RIF1: variants seen among roughly 807,000 people sequenced by gnomAD.
RIF1 encodes the protein replication timing regulatory factor 1, also known as telomere-associated protein RIF1.
A neutral mutation model predicts 247.1 loss-of-function variants in RIF1; 45 were observed. The ratio of observed to expected loss-of-function variants is 0.18; its 90% confidence interval spans 0.14 to 0.23. The LOEUF (loss-of-function observed/expected upper bound fraction) is 0.23, where lower values mean the gene tolerates loss of function less well. RIF1 is among the 10% of genes least tolerant of loss of function. The pLI, the probability that RIF1 is intolerant of heterozygous loss-of-function variation, is 1.00. For missense variants in RIF1, 2,967 were observed against 2,862.5 expected, an observed-to-expected ratio of 1.04 and a Z score of -0.83; for synonymous variants, 1,087 against 978.8, an observed-to-expected ratio of 1.11 and a Z score of -2.06.
the RIF1 span, chr2:151,525,162 C>G: frequency 6.2e-7 from 1 of 1,609,996 alleles, no homozygotes; most frequent in Non-Finnish European, 8.5e-7. Flanking sequence ...GGAAAACTTA[C>G]ATCACTTTGC....
chr2:151,496,507 C>T (rs1235374872), intron 10 of RIF1: 2 of 1,444,176 alleles, frequency 1.4e-6, no homozygotes, highest in Non-Finnish European at 1.9e-6. Context: ...GACAAAATGC[C>T]ACCAGCTACT....
chr2:151,435,426 T>G, intron 10 of RIF1, 37 bp from the exon 11 acceptor site: 1 of 1,145,902 alleles, frequency 8.7e-7, no homozygotes, highest in Non-Finnish European at 1.3e-6. Context: ...GTGACAGTTG[T>G]ATAGTTTATA....
Position 151,443,480 on chromosome 2 carries a change from A to G in RIF1, c.1806-49A>G, listed in dbSNP as rs757405544. On this transcript the variant is annotated intron_variant, in intron 17 of 35. Transcript: ENST00000444746. ...TTAGAATTTTGTTAACATTAAATTAATATATTCCTGCCAAAAAGTTGATGC... is the reference window on the plus strand; with the variant it reads ...TTAGAATTTTGTTAACATTAAATTAGTATATTCCTGCCAAAAAGTTGATGC... 1.5e-5 allele frequency: 22 copies of G among 1,472,726 alleles called. 2 individuals are homozygous for G. The Admixed American group carries it at 4.9e-4, about 33-fold the overall frequency. 91.2% of individuals were successfully genotyped at this position (1,472,726 alleles called of 1,614,324 possible).
downstream of RIF1, among the ~76,000 whole-genome samples, chr2:151,508,755 A>G (rs2071403242): frequency 6.6e-6 from 1 of 152,242 alleles, no homozygotes; most frequent in East Asian, 1.9e-4. Context: ...TGACTGGCCA[A>G]GGACTGCTCT....
At chr2:151,430,032 T>A (rs1414005745) in intron 9 of RIF1, among the ~76,000 whole-genome samples, 6 of 152,048 alleles carry the variant, frequency 3.9e-5, no homozygotes, top group Non-Finnish European at 8.8e-5. Flanking sequence ...AACTTTTTTT[T>A]TTTTTTGAGA....
chr2:151,500,593 C>CTTTTTT (rs11428843), intron 11 of RIF1, among the ~76,000 whole-genome samples: 3 of 118,458 alleles, frequency 2.5e-5, no homozygotes, highest in Non-Finnish European at 5.1e-5. Context: ...TTCTTTCTTC[C>CTTTTTT]TTTTTTTTTT....
chr2:151,411,008 C>A (rs1406430232), intron 2 of RIF1, among the ~76,000 whole-genome samples: 1 of 152,148 alleles, frequency 6.6e-6, no homozygotes, highest in Non-Finnish European at 1.5e-5. Flanking sequence ...GATCCCTGTT[C>A]TGTCTTTTTG....
At chr2:151,521,308 G>A in the RIF1 span, among the ~76,000 whole-genome samples, 1 of 152,148 alleles carries the variant, frequency 6.6e-6, no homozygotes, top group South Asian at 2.1e-4. Context: ...ATGCAGAACA[G>A]TTCAGCATGA....
At chr2:151,507,462 G>A (rs181877781) in intron 13 of RIF1, among the ~76,000 whole-genome samples, 1 of 152,220 alleles carries the variant, frequency 6.6e-6, no homozygotes, top group East Asian at 1.9e-4. Context: ...ATTTAAAGCA[G>A]GCAATAAGCC....
chr2:151,437,885 C>A (rs1019012294), intron 13 of RIF1, among the ~76,000 whole-genome samples: 1 of 152,066 alleles, frequency 6.6e-6, no homozygotes, highest in Non-Finnish European at 1.5e-5. Context: ...GTGGTAGTAC[C>A]GTGTCAAGCT....
chr2:151,497,825 A>G (rs1378698082), intron 10 of RIF1: 1 of 1,528,178 alleles, frequency 6.5e-7, no homozygotes. Flanking sequence ...GCCAGAAGTT[A>G]TATGCTGACA....
At chr2:151,514,512 C>T in the RIF1 span, 2 of 1,135,430 alleles carry the variant, frequency 1.8e-6, no homozygotes, top group Admixed American at 1.7e-5. Context: ...AAAAACAATT[C>T]CAATTTTTAA....
chr2:151,416,992 A>G (rs750093526), intron 6 of RIF1, 91 bp downstream of exon 6: 52 of 871,578 alleles, frequency 6.0e-5, no homozygotes, highest in Non-Finnish European at 8.6e-5. Flanking sequence ...AGAGACAGAC[A>G]TTAAAAGGGG....
chr2:151,420,477 A>C, intron 7 of RIF1, 98 bp downstream of exon 7: 44 of 1,162,244 alleles, frequency 3.8e-5, no homozygotes, highest in Non-Finnish European at 4.6e-5. Flanking sequence ...GGTGGCTCTC[A>C]CCTGTAGTCC....
chr2:151,485,630 T>C, downstream of RIF1: 1 of 829,236 alleles, frequency 1.2e-6, no homozygotes, highest in South Asian at 2.5e-5. Flanking sequence ...AGGATGGTAC[T>C]ACCATAAATC....
intron 21 of RIF1, among the ~76,000 whole-genome samples, chr2:151,453,231 A>G (rs916120610): frequency 6.6e-6 from 1 of 151,924 alleles, no homozygotes; most frequent in Non-Finnish European, 1.5e-5. Context: ...ATAGTTTTAG[A>G]CAAGTTGACA....
In RIF1 at chr2:151,416,814, G is replaced by T; in HGVS notation, c.416G>T (p.Ser139Ile). The change falls in exon 6 of 36, where the codon AGT (serine) becomes ATT (isoleucine). Residue 139 changes from serine (S) to isoleucine (I), a missense_variant. This residue lies in a region of RIF1 where 269 missense variants were observed against 288.6 expected (regional missense o/e 0.93). Coordinates refer to ENST00000444746, the MANE Select transcript of RIF1 (RefSeq NM_018151.5). ...PSEVVGKMVSSIIDSLEILFN... is the reference protein window; with the variant it reads ...PSEVVGKMVSIIIDSLEILFN... Reference sequence around the variant, plus strand: ...ATTTGGTTCGTTTTTTAGGTATCCAGTATAATTGATTCATTAGAAATACTG... The same window carrying T: ...ATTTGGTTCGTTTTTTAGGTATCCATTATAATTGATTCATTAGAAATACTG... 6.2e-7 allele frequency: 1 copy of T among 1,609,824 alleles called. No homozygotes were observed. Among genetic ancestry groups the T allele is most frequent in the Non-Finnish European group, 8.5e-7 (1 of 1,177,652 alleles).
At chr2:151,496,421 T>C in intron 10 of RIF1, 1 of 1,550,094 alleles carries the variant, frequency 6.5e-7, no homozygotes, top group Non-Finnish European at 8.8e-7. Context: ...ATTTCATTTG[T>C]TGAGAGGTTT....
Position 151,476,496 on chromosome 2 carries a change from C to T in RIF1, c.*1425C>T, listed in dbSNP as rs1309206792. The stretch of plus-strand genomic sequence containing the variant: ...AGAAGCTAATCCCTACTTAGCAAGG[C>T]ACACATTCTACAGCAAGTCATAGAA... On this transcript the variant is annotated 3_prime_UTR_variant, in exon 36 of 36. Coordinates refer to ENST00000444746, the MANE Select transcript of RIF1 (RefSeq NM_018151.5). 1.7e-4 allele frequency: 26 copies of T among 152,138 alleles called. No individual in the cohort carries two copies. The highest frequency in any genetic ancestry group is 4.4e-5 in the Non-Finnish European group (3 of 68,008). 9.4% of individuals were successfully genotyped at this position (152,138 alleles called of 1,614,324 possible). A position where few individuals can be genotyped will look rare whatever the true frequency, so the allele number is the denominator to read the frequency against.
Sources: allele counts gnomAD v4.1 joint callset (sites outside exome capture counted in the v4.1 genomes callset), GRCh38; gene constraint gnomAD v4.1.1; regional missense constraint gnomAD v4.1.1; transcripts MANE v1.5; gene names NCBI Gene and HGNC (gene_info 2026-07-23, HGNC 2026-07-21).